Variants in SLC6A6 observed in about 807,000 individuals in gnomAD.
SLC6A6 encodes the protein sodium- and chloride-dependent taurine transporter.
A neutral mutation model predicts 68.8 loss-of-function variants in SLC6A6; 16 were observed. That is an observed-to-expected ratio of 0.23 (90% confidence interval 0.16 to 0.35). The LOEUF (loss-of-function observed/expected upper bound fraction) is 0.35, where lower values mean the gene tolerates loss of function less well. SLC6A6 is among the 10% of genes least tolerant of loss of function. The probability of loss-of-function intolerance (pLI) is 1.00; values close to 1 mark genes in which losing one functional copy is unlikely to be tolerated. For missense variants in SLC6A6, 474 were observed against 802.8 expected, an observed-to-expected ratio of 0.59 and a Z score of 4.95; for synonymous variants, 312 against 315.4, an observed-to-expected ratio of 0.99 and a Z score of 0.12.
intron 3 of SLC6A6, among the ~76,000 whole-genome samples, chr3:14,444,542 C>T (rs560091426): frequency 7.2e-5 from 11 of 152,282 alleles, no homozygotes; most frequent in African/African-American, 1.9e-4. Context: ...TCAGGCAGCA[C>T]CTAACGGTGG....
intron 5 of SLC6A6, among the ~76,000 whole-genome samples, chr3:14,454,257 G>A (rs775439686): frequency 5.4e-5 from 8 of 149,120 alleles, no homozygotes; most frequent in African/African-American, 7.5e-5. Context: ...TCCTGGGGGC[G>A]TCAGGGGCCT....
At chr3:14,416,186 G>T (rs1249118512) in intron 1 of SLC6A6, among the ~76,000 whole-genome samples, 1 of 152,190 alleles carries the variant, frequency 6.6e-6, no homozygotes, top group Non-Finnish European at 1.5e-5. Context: ...CTGGGAGTCT[G>T]CATATGATTA....
intron 2 of SLC6A6, among the ~76,000 whole-genome samples, chr3:14,437,765 C>T (rs1699890684): frequency 1.3e-5 from 2 of 151,676 alleles, no homozygotes; most frequent in Admixed American, 1.3e-4. Context: ...CCAGCAATTC[C>T]CCAATACCTC....
chr3:14,483,144 T>C (rs1701047112), intron 14 of SLC6A6, among the ~76,000 whole-genome samples: 1 of 152,142 alleles, frequency 6.6e-6, no homozygotes, highest in Non-Finnish European at 1.5e-5. Context: ...TTTTAAAATA[T>C]TGGTCCAGCC....
rs1325475613 is a variant in SLC6A6 at position 14,477,166 on chromosome 3, C to T, written c.1210-39C>T. The T allele has an allele frequency of 3.8e-6, 6 of 1,593,932 alleles. No homozygotes were observed. The highest frequency in any genetic ancestry group is 1.3e-5 in the African/African-American group (1 of 74,748). On this transcript the variant is annotated intron_variant, in intron 10 of 14. Transcript: ENST00000622186. The surrounding 1 kb of genome is among the most constrained non-coding windows in gnomAD (Gnocchi z 4.2). ...GAGCAGCAGGCAAGGGTGGCCTGAGCGTCAGCCGCTCACCAGCTCTCTCTC... is the reference window on the plus strand; with the variant it reads ...GAGCAGCAGGCAAGGGTGGCCTGAGTGTCAGCCGCTCACCAGCTCTCTCTC...
chr3:14,403,812 T>A (rs1257458916), intron 1 of SLC6A6, among the ~76,000 whole-genome samples: 1 of 152,206 alleles, frequency 6.6e-6, no homozygotes, highest in Non-Finnish European at 1.5e-5. Context: ...AGGGACCTCC[T>A]CCTACAGCCT....
In SLC6A6 at chr3:14,450,793, CTT is replaced by C. The variant is rs1472455135; in HGVS notation, c.599+2980_599+2981del. 6.6e-6 allele frequency among the ~76,000 whole-genome samples: 1 copy of C among 152,230 alleles called. No individual in the cohort carries two copies. The highest frequency in any genetic ancestry group is 1.5e-5 in the Non-Finnish European group (1 of 68,038). On this transcript the variant is annotated intron_variant, in intron 5 of 14. Coordinates refer to ENST00000622186, the MANE Select transcript of SLC6A6 (RefSeq NM_003043.6). The surrounding 1 kb of genome is among the most constrained non-coding windows in gnomAD (Gnocchi z 4.1). Reference sequence around the variant, plus strand: ...GGCCTCCTGCCTTCAAGAGCCTTCTCTTTTCTTGGCATGCAATGGTGGAAAGG... The same window carrying C: ...GGCCTCCTGCCTTCAAGAGCCTTCTCTTCTTGGCATGCAATGGTGGAAAGG...
intron 5 of SLC6A6, among the ~76,000 whole-genome samples, chr3:14,448,675 G>A (rs1156899916): frequency 6.6e-6 from 1 of 152,158 alleles, no homozygotes; most frequent in African/African-American, 2.4e-5. Context: ...AATAAATTCT[G>A]TCTCTTCATG....
intron 12 of SLC6A6, 60 bp from the exon 13 acceptor site, chr3:14,479,025 C>G (rs1700947072): frequency 9.3e-7 from 1 of 1,070,534 alleles, no homozygotes; most frequent in Non-Finnish European, 1.5e-6. Context: ...ACTCATGGCC[C>G]CTGAGCTGCT....
In SLC6A6 at chr3:14,466,596, C is replaced by T. The variant is rs776809674; in HGVS notation, c.813C>T (p.Gly271=). ...GAGGGCTGACGCTGCCGGGCGCGGGCGCAGGCATCAAGTTCTATCTGTATC... is the reference window on the plus strand; with the variant it reads ...GAGGGCTGACGCTGCCGGGCGCGGGTGCAGGCATCAAGTTCTATCTGTATC... The part of the protein sequence containing the change: ...LVRGLTLPGA[G]AGIKFYLYPD... Residue 271 remains glycine (G), a synonymous_variant, in exon 7 of 15, where the codon GGC becomes GGT. Coordinates refer to ENST00000622186, the MANE Select transcript of SLC6A6 (RefSeq NM_003043.6). 25 of 1,612,594 alleles carry T rather than the reference C, an allele frequency of 1.6e-5. No homozygotes were observed. The highest frequency in any genetic ancestry group is 3.3e-4 in the Middle Eastern group (2 of 6,078).
chr3:14,459,169 C>T (rs1700438061), intron 6 of SLC6A6, among the ~76,000 whole-genome samples: 1 of 152,182 alleles, frequency 6.6e-6, no homozygotes, highest in Non-Finnish European at 1.5e-5. Context: ...ACGCTTTCCC[C>T]AGTGACTCAC....
In SLC6A6 at chr3:14,430,265, T is replaced by C. The variant is rs537863578; in HGVS notation, c.-11-13359T>C. On this transcript the variant is annotated intron_variant, in intron 2 of 14. Transcript: ENST00000622186. ...ATAGTTCTTGAGCTGGGGGCTGACA[T>C]GGCAGGCATTTGGGGTTTGCTAGAA... is the stretch of plus-strand genomic sequence containing the variant. Among the ~76,000 whole-genome samples, 55 of 152,122 alleles carry C rather than the reference T, an allele frequency of 3.6e-4. 1 individual carries two copies. In the South Asian group the frequency reaches 0.011, roughly 29 times the overall value.
intron 1 of SLC6A6, among the ~76,000 whole-genome samples, chr3:14,406,207 C>A (rs1163777819): frequency 6.6e-6 from 1 of 152,084 alleles, no homozygotes; most frequent in African/African-American, 2.4e-5. Context: ...GAGACAGGGT[C>A]TTACTATGTT....
At chr3:14,456,864 C>A (rs1201771969) in intron 5 of SLC6A6, among the ~76,000 whole-genome samples, 2 of 152,266 alleles carry the variant, frequency 1.3e-5, no homozygotes, top group Non-Finnish European at 2.9e-5. Flanking sequence ...CTGGAGCATG[C>A]AGACCCTGTC....
intron 5 of SLC6A6, among the ~76,000 whole-genome samples, chr3:14,453,723 C>T (rs1700304524): frequency 6.6e-6 from 1 of 152,200 alleles, no homozygotes; most frequent in South Asian, 2.1e-4. Flanking sequence ...GAAATAGGCT[C>T]AGGGCAGGGG....
chr3:14,450,165 CT>C lies in SLC6A6; in HGVS notation c.599+2351del, dbSNP rs1409232700. ...CCCCCTATTGTAAAGGGGTCATCCT[CT>C]TCTGGGCTCTGCTTGTCTCGCTGTT... On this transcript the variant is annotated intron_variant, in intron 5 of 14. Coordinates refer to ENST00000622186, the MANE Select transcript of SLC6A6 (RefSeq NM_003043.6). This position sits in a 1 kb window ranked among gnomAD's most constrained non-coding sequence, Gnocchi z 4.1. Among the ~76,000 whole-genome samples the C allele has an allele frequency of 4.6e-5, 7 of 152,096 alleles. No individual in the cohort carries two copies. Among genetic ancestry groups the C allele is most frequent in the Non-Finnish European group, 8.8e-5 (6 of 68,026 alleles).
intron 2 of SLC6A6, among the ~76,000 whole-genome samples, chr3:14,443,079 G>A (rs535172886): frequency 2.6e-5 from 4 of 152,198 alleles, no homozygotes; most frequent in East Asian, 1.9e-4. Context: ...GTTCGTTTCC[G>A]TCTATCTGTT....
At chr3:14,474,871 G>A (rs1429843300) in intron 10 of SLC6A6, among the ~76,000 whole-genome samples, 1 of 152,240 alleles carries the variant, frequency 6.6e-6, no homozygotes, top group African/African-American at 2.4e-5. Flanking sequence ...AGGGAGCAGG[G>A]GGTGTCACCC....
At position 14,443,615 on chromosome 3, in the gene SLC6A6, C is replaced by A. The variant is rs776026843; in HGVS notation, c.-11-9C>A. ...CAGCTGCAGGATGCTTCTCTTTTGTCCCCCATAGAAAGCAAGGAGATGGCC... is the reference window on the plus strand; with the variant it reads ...CAGCTGCAGGATGCTTCTCTTTTGTACCCCATAGAAAGCAAGGAGATGGCC... On this transcript the variant is annotated splice_polypyrimidine_tract_variant and intron_variant, in intron 2 of 14. Transcript: ENST00000622186. 2 of 1,560,638 alleles carry A rather than the reference C, an allele frequency of 1.3e-6. No homozygotes were observed. The highest frequency in any genetic ancestry group is 1.8e-6 in the Non-Finnish European group (2 of 1,134,984).
Sources: allele counts gnomAD v4.1 joint callset (sites outside exome capture counted in the v4.1 genomes callset), GRCh38; gene constraint gnomAD v4.1.1; non-coding constraint Gnocchi (gnomAD v3.1); transcripts MANE v1.5; gene names NCBI Gene and HGNC (gene_info 2026-07-23, HGNC 2026-07-21).